Variants in LPIN1 observed in about 807,000 individuals in gnomAD.
LPIN1 encodes the protein lipin 1.
Under a neutral mutation model 107.5 loss-of-function variants are expected in LPIN1, and 71 were observed. That is an observed-to-expected ratio of 0.66 (90% CI 0.55 to 0.80). The LOEUF is 0.80. Ranked by LOEUF, LPIN1 falls within the 30% of genes least tolerant of loss-of-function variation. LPIN1 has a pLI of 0.00. For synonymous variants in LPIN1, 445 were observed against 452.6 expected (o/e 0.98, Z 0.21); for missense variants, 1,043 against 1,160.6 (o/e 0.90, Z 1.47).
At chr2:11,726,579 A>C (rs1205112071) in intron 1 of LPIN1, among the ~76,000 whole-genome samples, 1 of 145,516 alleles carries the variant, frequency 6.9e-6, no homozygotes. Context: ...CTCTCTTCCC[A>C]CCCCAGCACC....
At chr2:11,732,911 CTGTGTGTGTG>C (rs35991291) in intron 1 of LPIN1, among the ~76,000 whole-genome samples, 6 of 149,010 alleles carry the variant, frequency 4.0e-5, no homozygotes, top group Admixed American at 1.3e-4. Flanking sequence ...CTCTCTCTCT[CTGTGTGTGTG>C]TGTGTGTGTG....
intron 14 of LPIN1, among the ~76,000 whole-genome samples, chr2:11,797,625 C>A (rs768208265): frequency 5.3e-5 from 8 of 152,118 alleles, no homozygotes; most frequent in Non-Finnish European, 8.8e-5. Context: ...GCTTGTAGCC[C>A]CTTCGTTTTG....
At chr2:11,710,105 A>G (rs192428694) in intron 1 of LPIN1, among the ~76,000 whole-genome samples, 1 of 152,326 alleles carries the variant, frequency 6.6e-6, no homozygotes, top group Admixed American at 6.5e-5. Flanking sequence ...CAGAACTTAC[A>G]TAGCAGAGTG....
chr2:11,699,617 G>T (rs1214364334), intron 1 of LPIN1, among the ~76,000 whole-genome samples: 2 of 152,142 alleles, frequency 1.3e-5, no homozygotes, highest in Non-Finnish European at 2.9e-5. Context: ...AGATGGTCTT[G>T]GGTATCGGTT....
chr2:11,823,979 G>C (rs1316659892), intron 20 of LPIN1, among the ~76,000 whole-genome samples: 2 of 152,104 alleles, frequency 1.3e-5, no homozygotes, highest in Admixed American at 1.3e-4. Flanking sequence ...TTTTCTCTAA[G>C]ACGTGTTGAT....
At chr2:11,685,384 T>G (rs1048196707) in intron 1 of LPIN1, among the ~76,000 whole-genome samples, 18 of 152,264 alleles carry the variant, frequency 1.2e-4, no homozygotes, top group African/African-American at 4.3e-4. Context: ...ACCCACCTCC[T>G]GGGCTTTCGG....
intron 17 of LPIN1, among the ~76,000 whole-genome samples, chr2:11,806,671 A>T (rs568029680): frequency 6.6e-6 from 1 of 152,344 alleles, no homozygotes; most frequent in Admixed American, 6.5e-5. Context: ...TCTTTAAAAA[A>T]TTATTAATAC....
Position 11,786,776 on chromosome 2 carries a change from C to T in LPIN1, c.1550-298C>T, listed in dbSNP as rs1384216489. ...ATGCGTAGCCATGACTCTGCCTGTG[C>T]AGATGCACGTGTGTGCTGTTTTCAC... On this transcript the variant is annotated intron_variant, in intron 10 of 20. Coordinates refer to ENST00000674199, the MANE Select transcript of LPIN1 (RefSeq NM_001349206.2). This position sits in a 1 kb window ranked among gnomAD's most constrained non-coding sequence, Gnocchi z 4.1. 6.6e-6 allele frequency among the ~76,000 whole-genome samples: 1 copy of T among 152,250 alleles called. No individual in the cohort carries two copies. The highest frequency in any genetic ancestry group is 1.5e-5 in the Non-Finnish European group (1 of 68,048).
chr2:11,751,142 C>G (rs149057259), intron 1 of LPIN1, among the ~76,000 whole-genome samples: 1 of 152,294 alleles, frequency 6.6e-6, no homozygotes, highest in African/African-American at 2.4e-5. Flanking sequence ...TTGGCAGGAA[C>G]GTGAGAACAA....
chr2:11,788,417 C>T lies in LPIN1; in HGVS notation c.1674C>T (p.Leu558=). The T allele has an allele frequency of 3.1e-6, 5 of 1,614,068 alleles. No individual in the cohort carries two copies. The highest frequency in any genetic ancestry group is 4.2e-6 in the Non-Finnish European group (5 of 1,179,900). The part of the protein sequence containing the change: ...KYYNWTTAAP[L]LLAMQAFQKP... Reference sequence around the variant, plus strand: ...ATAACTGGACAACAGCAGCACCCCTCCTCCTGGCAATGCAGGCCTTCCAGA... The same window carrying T: ...ATAACTGGACAACAGCAGCACCCCTTCTCCTGGCAATGCAGGCCTTCCAGA... Residue 558 remains leucine (L), a synonymous_variant, in exon 12 of 21, where the codon CTC becomes CTT. Transcript: ENST00000674199.
At chr2:11,734,885 A>T (rs998066446) in intron 1 of LPIN1, among the ~76,000 whole-genome samples, 2 of 152,298 alleles carry the variant, frequency 1.3e-5, no homozygotes, top group African/African-American at 2.4e-5. Flanking sequence ...ATGCAAAAAA[A>T]TTTTTTGATT....
At chr2:11,766,628 T>C (rs569475997) in intron 2 of LPIN1, among the ~76,000 whole-genome samples, 269 of 152,264 alleles carry the variant, frequency 1.8e-3, no homozygotes, top group Middle Eastern at 3.4e-3. Flanking sequence ...CAAAACGTGA[T>C]GGCACTAGCA....
At chr2:11,795,304 A>G (rs919293392) in intron 13 of LPIN1, 104 bp from the exon 14 acceptor site, 5 of 932,426 alleles carry the variant, frequency 5.4e-6, no homozygotes, top group African/African-American at 3.2e-5. Context: ...GGAATGGTCT[A>G]TCTTTAGGGG....
At position 11,771,630 on chromosome 2, in the gene LPIN1, C is replaced by T; in HGVS notation, c.547C>T (p.Pro183Ser). Residue 183 changes from proline (P) to serine (S), a missense_variant, in exon 4 of 21, where the codon CCC becomes TCC. Pro to Ser is a moderately conservative substitution (Grantham distance 74, BLOSUM62 -1). Coordinates refer to ENST00000674199, the MANE Select transcript of LPIN1 (RefSeq NM_001349206.2). This position sits in a 1 kb window ranked among gnomAD's most constrained non-coding sequence, Gnocchi z 4.8. The stretch of plus-strand genomic sequence containing the variant: ...CACATCTGAGGATGAGGACATGTTC[C>T]CCATCGAGATGAGCTCGGATGAGGC... The part of the protein sequence containing the change: ...MNTSEDEDMF[P>S]IEMSSDEAME... 6.2e-7 allele frequency: 1 copy of T among 1,606,390 alleles called. No homozygotes were observed.
upstream of LPIN1, among the ~76,000 whole-genome samples, chr2:11,720,726 CAT>C (rs1184844153): frequency 3.3e-5 from 5 of 151,928 alleles, no homozygotes; most frequent in East Asian, 1.9e-4. Flanking sequence ...TGGCTGCCGA[CAT>C]GTGGTCAGAT....
intron 3 of LPIN1, among the ~76,000 whole-genome samples, chr2:11,769,449 A>T (rs1395521151): frequency 6.6e-6 from 1 of 152,012 alleles, no homozygotes; most frequent in Non-Finnish European, 1.5e-5. Context: ...GCTGCCTTGT[A>T]TGCCTTCATT....
At chr2:11,693,783 AGT>A (rs1251379087) in intron 1 of LPIN1, among the ~76,000 whole-genome samples, 3,030 of 71,638 alleles carry the variant, frequency 0.042, 259 homozygotes, top group African/African-American at 0.21. Flanking sequence ...TGTGTGTGTG[AGT>A]GTGTATATAT....
At chr2:11,783,776 T>C in intron 8 of LPIN1, 53 bp from the exon 9 acceptor site, 3 of 1,423,204 alleles carry the variant, frequency 2.1e-6, no homozygotes, top group South Asian at 1.1e-5. Flanking sequence ...TACAAGGCCA[T>C]GAGCTCATTT....
At chr2:11,764,950 C>T (rs1670544941) in intron 1 of LPIN1, among the ~76,000 whole-genome samples, 1 of 152,180 alleles carries the variant, frequency 6.6e-6, no homozygotes, top group East Asian at 1.9e-4. Flanking sequence ...ATCATGGGGT[C>T]AAGGCTCTCT....
Sources: allele counts gnomAD v4.1 joint callset (sites outside exome capture counted in the v4.1 genomes callset), GRCh38; gene constraint gnomAD v4.1.1; non-coding constraint Gnocchi (gnomAD v3.1); transcripts MANE v1.5; gene names NCBI Gene and HGNC (gene_info 2026-07-23, HGNC 2026-07-21).